The following DLGAP1 variants were observed in gnomAD, a reference collection of about 807,000 sequenced individuals.
DLGAP1 encodes the protein disks large-associated protein 1.
DLGAP1 carries 11 observed loss-of-function variants against 90.8 expected under a neutral mutation model. The ratio of observed to expected loss-of-function variants is 0.12; its 90% CI spans 0.08 to 0.20. DLGAP1 has a LOEUF of 0.20. Among genes scored for constraint, DLGAP1 ranks in the 10% least tolerant of loss-of-function variants. The probability of loss-of-function intolerance (pLI) is 1.00; values close to 1 mark genes in which losing one functional copy is unlikely to be tolerated. For missense variants in DLGAP1, 1,050 were observed against 1,333.8 expected (o/e 0.79, Z 3.31); for synonymous variants, 558 against 540.7 (o/e 1.03, Z -0.44).
chr18:4,058,759 C>G lies in DLGAP1; in HGVS notation c.-158-53558G>C, dbSNP rs185887594. ...TCTCTAATAATGTCCATGCCCTTTTCAATATGCCTTGAGACCTTCAAGGTC... is the reference window on the plus strand; with the variant it reads ...TCTCTAATAATGTCCATGCCCTTTTGAATATGCCTTGAGACCTTCAAGGTC... On this transcript the variant is annotated intron_variant, in intron 2 of 12. Coordinates refer to ENST00000315677, the MANE Select transcript of DLGAP1 (RefSeq NM_004746.4). 4.7e-3 allele frequency among the ~76,000 whole-genome samples: 709 copies of G among 152,310 alleles called. 4 individuals carry two copies. The highest frequency in any genetic ancestry group is 0.017 in the South Asian group (84 of 4,824).
At chr18:3,522,563 T>C (rs1478652213) in intron 10 of DLGAP1, among the ~76,000 whole-genome samples, 2 of 148,482 alleles carry the variant, frequency 1.3e-5, no homozygotes, top group Non-Finnish European at 3.0e-5. Flanking sequence ...TTTTTTTTTT[T>C]TGGAGACCTC....
chr18:4,370,197 T>C (rs1010234074), intron 1 of DLGAP1, among the ~76,000 whole-genome samples: 1 of 152,028 alleles, frequency 6.6e-6, no homozygotes, highest in Non-Finnish European at 1.5e-5. Flanking sequence ...AGAAGCAATA[T>C]GAAGAAAAAT....
chr18:4,168,363 T>C (rs982795427), intron 1 of DLGAP1, among the ~76,000 whole-genome samples: 3 of 152,210 alleles, frequency 2.0e-5, no homozygotes, highest in African/African-American at 7.2e-5. Context: ...CAAATATTGC[T>C]GAAGCAATTA....
chr18:4,054,326 AT>A (rs1568371273), intron 2 of DLGAP1, among the ~76,000 whole-genome samples: 2 of 151,922 alleles, frequency 1.3e-5, no homozygotes, highest in East Asian at 3.9e-4. Flanking sequence ...TTTTTTCTCA[AT>A]AATTTTAATG....
At chr18:4,097,079 C>T (rs2075693918) in intron 2 of DLGAP1, among the ~76,000 whole-genome samples, 1 of 152,178 alleles carries the variant, frequency 6.6e-6, no homozygotes. Context: ...TTCTGCAGCA[C>T]AGACCCACAT....
At chr18:4,341,200 AAAG>A (rs931574512) in intron 1 of DLGAP1, among the ~76,000 whole-genome samples, 27 of 151,944 alleles carry the variant, frequency 1.8e-4, no homozygotes, top group African/African-American at 6.3e-4. Context: ...ATATATATAA[AAAG>A]AAAAATGTGA....
intron 3 of DLGAP1, among the ~76,000 whole-genome samples, chr18:3,931,970 G>A (rs1346310210): frequency 6.6e-6 from 1 of 152,130 alleles, no homozygotes; most frequent in African/African-American, 2.4e-5. Flanking sequence ...CCTCTGCTGT[G>A]CACCCTTGGT....
intron 1 of DLGAP1, among the ~76,000 whole-genome samples, chr18:4,160,738 G>A (rs1416956021): frequency 6.6e-6 from 1 of 152,120 alleles, no homozygotes; most frequent in Non-Finnish European, 1.5e-5. Flanking sequence ...CAAGTCAAAT[G>A]TGCAGATTTA....
intron 7 of DLGAP1, among the ~76,000 whole-genome samples, chr18:3,659,931 G>A (rs1195003271): frequency 1.3e-5 from 2 of 152,074 alleles, no homozygotes; most frequent in African/African-American, 2.4e-5. Flanking sequence ...TTAGCCACAT[G>A]GTTTCTTTCT....
chr18:3,505,023 G>A (rs1393108786), intron 11 of DLGAP1, among the ~76,000 whole-genome samples: 1 of 152,180 alleles, frequency 6.6e-6, no homozygotes, highest in Non-Finnish European at 1.5e-5. Flanking sequence ...AGGATAATGA[G>A]TAAGTGTTTT....
At chr18:3,531,439 T>A (rs560179600) in intron 10 of DLGAP1, among the ~76,000 whole-genome samples, 7 of 150,552 alleles carry the variant, frequency 4.6e-5, no homozygotes, top group East Asian at 1.9e-4. Flanking sequence ...CTCTGTCTTT[T>A]AAAAAAAAAA....
At chr18:4,187,792 G>A (rs988381541) in intron 1 of DLGAP1, among the ~76,000 whole-genome samples, 20 of 152,242 alleles carry the variant, frequency 1.3e-4, no homozygotes, top group Non-Finnish European at 2.2e-4. Context: ...GAGGTCAGGA[G>A]TTTGAGATCA....
At chr18:3,699,396 C>T (rs56899333) in intron 7 of DLGAP1, among the ~76,000 whole-genome samples, 3,663 of 152,268 alleles carry the variant, frequency 0.024, 138 homozygotes, top group East Asian at 0.16. Flanking sequence ...TTCTAACCTG[C>T]CCTCTGCTGT....
chr18:3,824,842 T>C (rs968471488), intron 4 of DLGAP1, among the ~76,000 whole-genome samples: 16 of 152,220 alleles, frequency 1.1e-4, no homozygotes, highest in African/African-American at 3.9e-4. Context: ...AAATAATCTT[T>C]CCTTCCTGAA....
chr18:3,759,335 C>A (rs1188269593), intron 5 of DLGAP1, among the ~76,000 whole-genome samples: 4 of 151,286 alleles, frequency 2.6e-5, no homozygotes, highest in South Asian at 2.1e-4. Context: ...TGTTCAAAAA[C>A]CACAGGCTCA....
intron 7 of DLGAP1, among the ~76,000 whole-genome samples, chr18:3,661,619 C>T (rs1189375454): frequency 2.0e-5 from 3 of 149,204 alleles, no homozygotes; most frequent in African/African-American, 7.5e-5. Context: ...CTTTGTTGCC[C>T]AGGCTGGAGT....
At chr18:3,940,964 T>C (rs997189060) in intron 3 of DLGAP1, among the ~76,000 whole-genome samples, 2 of 152,132 alleles carry the variant, frequency 1.3e-5, no homozygotes, top group African/African-American at 4.8e-5. Context: ...TCCTGAGGGA[T>C]TGGCATATGA....
intron 2 of DLGAP1, among the ~76,000 whole-genome samples, chr18:4,006,947 C>T (rs2074313870): frequency 6.6e-6 from 1 of 152,134 alleles, no homozygotes. Flanking sequence ...TGCACCCAGA[C>T]ACTTCATGGA....
At chr18:3,978,814 T>C (rs1568331572) in intron 3 of DLGAP1, among the ~76,000 whole-genome samples, 1 of 152,314 alleles carries the variant, frequency 6.6e-6, no homozygotes, top group East Asian at 1.9e-4. Context: ...TTCTTCCACT[T>C]GGAATTTACT....
Sources: allele counts gnomAD v4.1 joint callset (sites outside exome capture counted in the v4.1 genomes callset), GRCh38; gene constraint gnomAD v4.1.1; transcripts MANE v1.5; gene names NCBI Gene and HGNC (gene_info 2026-07-23, HGNC 2026-07-21).